PARP4: variants seen among roughly 807,000 people sequenced by gnomAD.
PARP4 encodes the protein protein mono-ADP-ribosyltransferase PARP4.
In PARP4, 120 loss-of-function variants were observed where a neutral mutation model predicts 187.7. That is an observed-to-expected ratio of 0.64 (90% CI 0.55 to 0.74). The LOEUF (loss-of-function observed/expected upper bound fraction) is 0.74, where lower values mean the gene tolerates loss of function less well. Ranked by LOEUF, PARP4 falls within the 30% of genes least tolerant of loss-of-function variation. The probability of loss-of-function intolerance (pLI) is 0.00; values close to 1 mark genes in which losing one functional copy is unlikely to be tolerated. For missense variants in PARP4, 1,836 were observed against 2,070.5 expected, an observed-to-expected ratio of 0.89 and a Z score of 2.20; for synonymous variants, 654 against 740.9, an observed-to-expected ratio of 0.88 and a Z score of 1.90.
intron 15 of PARP4, among the ~76,000 whole-genome samples, chr13:24,471,689 G>T (rs905207031): frequency 2.0e-5 from 3 of 152,130 alleles, no homozygotes; most frequent in African/African-American, 7.2e-5. Context: ...CTGCTAAATC[G>T]AGTTATTTTG....
intron 30 of PARP4, among the ~76,000 whole-genome samples, chr13:24,440,220 A>T (rs949368486): frequency 3.3e-5 from 5 of 152,006 alleles, no homozygotes; most frequent in African/African-American, 1.2e-4. Context: ...CAACATGGTG[A>T]AACCCCATCT....
chr13:24,438,441 T>A (rs71429883), intron 30 of PARP4, among the ~76,000 whole-genome samples: 1 of 152,292 alleles, frequency 6.6e-6, no homozygotes, highest in East Asian at 1.9e-4. Context: ...GACCCCTGAT[T>A]TAAGGAACAG....
intron 17 of PARP4, among the ~76,000 whole-genome samples, chr13:24,466,383 T>A (rs547281875): frequency 1.3e-5 from 2 of 152,112 alleles, no homozygotes; most frequent in Non-Finnish European, 2.9e-5. Context: ...GGTTTCACCA[T>A]GTTGCCCAAG....
At chr13:24,464,129 T>G (rs551376492) in intron 17 of PARP4, among the ~76,000 whole-genome samples, 3 of 152,248 alleles carry the variant, frequency 2.0e-5, no homozygotes, top group Admixed American at 1.3e-4. Context: ...TATAAACCAC[T>G]GCTCAAGGAA....
chr13:24,488,279 G>A (rs1278541294), intron 10 of PARP4, among the ~76,000 whole-genome samples: 11 of 152,062 alleles, frequency 7.2e-5, no homozygotes, highest in African/African-American at 2.2e-4. Context: ...AGATCTCAGC[G>A]GACACCTAGG....
At chr13:24,492,671 A>C (rs1868725617) in intron 8 of PARP4, 77 bp from the exon 9 acceptor site, 1 of 1,197,870 alleles carries the variant, frequency 8.3e-7, no homozygotes, top group African/African-American at 1.5e-5. Flanking sequence ...AACTATATAA[A>C]TAATTGTTAG....
intron 14 of PARP4, among the ~76,000 whole-genome samples, chr13:24,476,793 T>C (rs901286524): frequency 2.6e-4 from 40 of 152,202 alleles, no homozygotes; most frequent in Admixed American, 2.0e-3. Flanking sequence ...GAGAAGTGAA[T>C]ATCCTCTTGT....
intron 32 of PARP4, among the ~76,000 whole-genome samples, chr13:24,426,875 G>A (rs1220733939): frequency 1.3e-4 from 16 of 119,922 alleles, no homozygotes; most frequent in Non-Finnish European, 2.5e-4. Flanking sequence ...CTGGGCGACA[G>A]AGTGAGACTC....
chr13:24,467,257 C>T (rs1384546772), intron 17 of PARP4, among the ~76,000 whole-genome samples: 1 of 152,210 alleles, frequency 6.6e-6, no homozygotes, highest in Non-Finnish European at 1.5e-5. Context: ...GTACCACTAA[C>T]TATCCTTTTC....
chr13:24,430,001 T>C (rs1870253228), intron 32 of PARP4, among the ~76,000 whole-genome samples: 3 of 152,272 alleles, frequency 2.0e-5, no homozygotes, highest in Admixed American at 2.0e-4. Context: ...CCTAGTTGGC[T>C]TTCTTTCTTT....
In PARP4 at chr13:24,420,992, A is replaced by G. The variant is rs1300314916; in HGVS notation, c.*127T>C. 7 of 1,226,750 alleles carry G rather than the reference A, an allele frequency of 5.7e-6. No homozygotes were observed. The East Asian group carries it at 2.0e-4, about 36-fold the overall frequency. The allele number at this position is 1,226,750 out of a possible 1,614,324, so 76.0% of individuals were successfully genotyped here. On this transcript the variant is annotated 3_prime_UTR_variant, in exon 34 of 34. Coordinates refer to ENST00000381989, the MANE Select transcript of PARP4 (RefSeq NM_006437.4). The stretch of plus-strand genomic sequence containing the variant: ...ATTAAAGTAATTCTTCTTCCACTTA[A>G]TTTTTAAAGACAGTAATTGCTACAC...
At chr13:24,473,155 G>A (rs1566008052) in intron 15 of PARP4, among the ~76,000 whole-genome samples, 1 of 152,048 alleles carries the variant, frequency 6.6e-6, no homozygotes, top group Non-Finnish European at 1.5e-5. Context: ...CTCCTGAGCT[G>A]AAGCAATCCT....
At chr13:24,502,962 AT>A (rs1869389720) in intron 2 of PARP4, among the ~76,000 whole-genome samples, 1 of 152,222 alleles carries the variant, frequency 6.6e-6, no homozygotes, top group Non-Finnish European at 1.5e-5. Flanking sequence ...CAGCTCATCA[AT>A]TCGTCAACAG....
At chr13:24,449,324 C>G (rs1194544996) in intron 25 of PARP4, among the ~76,000 whole-genome samples, 2 of 144,378 alleles carry the variant, frequency 1.4e-5, no homozygotes, top group Non-Finnish European at 3.0e-5. Flanking sequence ...GGAGGCAGAG[C>G]TTGCAGTGAG....
Position 24,474,993 on chromosome 13 carries a change from G to A in PARP4, c.1914+479C>T, listed in dbSNP as rs115073011. Among the ~76,000 whole-genome samples, 1,035 of 152,268 alleles carry A rather than the reference G, an allele frequency of 6.8e-3. 8 individuals are homozygous for A. Among genetic ancestry groups the A allele is most frequent in the African/African-American group, 0.023 (969 of 41,548 alleles). ...CCTTCCTACCTCTGAGCCTTGGCAT[G>A]TGATGTTCCCGCTGCCTGGAATAAG... On this transcript the variant is annotated intron_variant, in intron 15 of 33. Coordinates refer to ENST00000381989, the MANE Select transcript of PARP4 (RefSeq NM_006437.4).
intron 2 of PARP4, among the ~76,000 whole-genome samples, chr13:24,502,783 C>T (rs1296467616): frequency 6.6e-6 from 1 of 152,212 alleles, no homozygotes; most frequent in East Asian, 1.9e-4. Flanking sequence ...TGAGACAGCT[C>T]AGTGTGGGAA....
At chr13:24,509,991 C>T (rs1869909225) in intron 1 of PARP4, among the ~76,000 whole-genome samples, 1 of 151,944 alleles carries the variant, frequency 6.6e-6, no homozygotes, top group South Asian at 2.1e-4. Context: ...TGAGCCACCA[C>T]ACCTAGCCCC....
intron 14 of PARP4, among the ~76,000 whole-genome samples, 163 bp from the exon 15 acceptor site, chr13:24,475,759 C>T (rs185100577): frequency 8.6e-5 from 13 of 151,602 alleles, no homozygotes; most frequent in Non-Finnish European, 1.5e-5. Flanking sequence ...AGCAAGTGAA[C>T]CCACATGAGA....
intron 21 of PARP4, among the ~76,000 whole-genome samples, chr13:24,455,506 T>TCACACA (rs1555234627): frequency 7.4e-6 from 1 of 135,450 alleles, no homozygotes; most frequent in African/African-American, 2.7e-5. Flanking sequence ...TATATATATA[T>TCACACA]CACACTATTC....
Sources: allele counts gnomAD v4.1 joint callset (sites outside exome capture counted in the v4.1 genomes callset), GRCh38; gene constraint gnomAD v4.1.1; transcripts MANE v1.5; gene names NCBI Gene and HGNC (gene_info 2026-07-23, HGNC 2026-07-21).